Variants in SHB observed in about 807,000 individuals in gnomAD.
The protein encoded by SHB is SH2 domain-containing adapter protein B.
Under a neutral mutation model 52.3 loss-of-function variants are expected in SHB, and 20 were observed. The observed-to-expected ratio is 0.38, with a 90% CI of 0.27 to 0.56. The LOEUF (loss-of-function observed/expected upper bound fraction) is 0.56. Among genes scored for constraint, SHB ranks in the 20% least tolerant of loss-of-function variants. The pLI, the probability that SHB is intolerant of heterozygous loss-of-function variation, is 0.71. For synonymous variants in SHB, 397 were observed against 316.5 expected, an observed-to-expected ratio of 1.25 and a Z score of -2.70; for missense variants, 825 against 723.3, an observed-to-expected ratio of 1.14 and a Z score of -1.61.
At position 38,054,730 on chromosome 9, in the gene SHB, G is replaced by C. The variant is rs183540379; in HGVS notation, c.717+13199C>G. On this transcript the variant is annotated intron_variant, in intron 1 of 5. Transcript: ENST00000377707. ...GTTAGACTGGTTCTACTTGACCTCA[G>C]AGAGTCAAACCAAGACAGTAGTAGA... 1.2e-4 allele frequency among the ~76,000 whole-genome samples: 19 copies of C among 152,294 alleles called. 1 individual carries two copies. Among genetic ancestry groups the C allele is most frequent in the Admixed American group, 1.0e-3 (16 of 15,304 alleles).
intron 2 of SHB, among the ~76,000 whole-genome samples, chr9:37,980,549 A>G (rs1215208403): frequency 6.6e-6 from 1 of 152,112 alleles, no homozygotes; most frequent in East Asian, 1.9e-4. Flanking sequence ...TGAGGACTGG[A>G]CTCTTCTTCC....
At chr9:38,021,324 G>A (rs1487345666) in intron 1 of SHB, among the ~76,000 whole-genome samples, 1 of 149,952 alleles carries the variant, frequency 6.7e-6, no homozygotes, top group Non-Finnish European at 1.5e-5. Flanking sequence ...TGGGCAGTAA[G>A]AGCGAAACTC....
At chr9:37,948,996 A>G (rs1832528135) in intron 4 of SHB, among the ~76,000 whole-genome samples, 1 of 152,150 alleles carries the variant, frequency 6.6e-6, no homozygotes, top group African/African-American at 2.4e-5. Context: ...GGCCACAGAC[A>G]CTCAAGTCAT....
intron 5 of SHB, among the ~76,000 whole-genome samples, chr9:37,921,591 G>T (rs957707549): frequency 1.3e-5 from 2 of 152,194 alleles, no homozygotes; most frequent in Non-Finnish European, 2.9e-5. Flanking sequence ...TAAAGAACTG[G>T]AATTTAAATC....
intron 2 of SHB, among the ~76,000 whole-genome samples, chr9:37,980,401 T>G (rs750960084): frequency 6.6e-6 from 1 of 152,260 alleles, no homozygotes; most frequent in Non-Finnish European, 1.5e-5. Flanking sequence ...AACTCTTTAT[T>G]TGTTCAAGTT....
chr9:37,997,457 C>T lies in SHB; in HGVS notation c.838+18554G>A, dbSNP rs117910107. Among the ~76,000 whole-genome samples, 943 of 152,320 alleles carry T rather than the reference C, an allele frequency of 6.2e-3. 5 individuals are homozygous for T. Among genetic ancestry groups the T allele is most frequent in the Non-Finnish European group, 0.01 (713 of 68,022 alleles). ...TCCAATTCCTTGGAAGCCTTTCCTG[C>T]CTCCTTTTCCCCTGGAACCTGAGTG... On this transcript the variant is annotated intron_variant, in intron 2 of 5. Transcript: ENST00000377707.
intron 1 of SHB, among the ~76,000 whole-genome samples, chr9:38,022,146 C>A (rs1017267628): frequency 9.9e-5 from 15 of 152,214 alleles, no homozygotes; most frequent in Admixed American, 9.2e-4. Flanking sequence ...GGCCACTAAT[C>A]TCTTAGAGAA....
At chr9:38,036,814 C>T (rs1821494314) in intron 1 of SHB, among the ~76,000 whole-genome samples, 1 of 152,174 alleles carries the variant, frequency 6.6e-6, no homozygotes, top group Non-Finnish European at 1.5e-5. Context: ...TACAACATCC[C>T]TATGGATTTG....
intron 1 of SHB, among the ~76,000 whole-genome samples, chr9:38,019,100 C>T (rs183545223): frequency 7.3e-4 from 111 of 152,326 alleles, no homozygotes; most frequent in African/African-American, 2.6e-3. Context: ...TTGGCAGAGA[C>T]CTGGCAGCCA....
chr9:38,049,446 T>C (rs1210142313), intron 1 of SHB, among the ~76,000 whole-genome samples: 3 of 151,814 alleles, frequency 2.0e-5, no homozygotes, highest in Non-Finnish European at 4.4e-5. Context: ...CCATCTCTAC[T>C]AAAAGAATGC....
intron 2 of SHB, among the ~76,000 whole-genome samples, chr9:37,994,926 G>A (rs2118024295): frequency 1.3e-5 from 2 of 152,300 alleles, no homozygotes; most frequent in South Asian, 2.1e-4. Context: ...TGACAAGGCT[G>A]AGAAGGCATG....
At chr9:38,033,208 G>A (rs2118119190) in intron 1 of SHB, among the ~76,000 whole-genome samples, 1 of 152,250 alleles carries the variant, frequency 6.6e-6, no homozygotes, top group East Asian at 1.9e-4. Flanking sequence ...CTCAAAGCAG[G>A]TGCTGGCTCC....
At chr9:38,015,938 C>T (rs989944625) in intron 2 of SHB, 73 bp downstream of exon 2, 3 of 1,516,702 alleles carry the variant, frequency 2.0e-6, no homozygotes, top group Admixed American at 3.5e-5. Flanking sequence ...TTGGGGACCA[C>T]CCGGCAGTGC....
At chr9:38,048,892 C>T (rs1036540618) in intron 1 of SHB, among the ~76,000 whole-genome samples, 1 of 152,232 alleles carries the variant, frequency 6.6e-6, no homozygotes, top group African/African-American at 2.4e-5. Flanking sequence ...TTTTAAGCCT[C>T]TCCATGTTGC....
intron 5 of SHB, among the ~76,000 whole-genome samples, chr9:37,935,163 T>G (rs1197259158): frequency 1.3e-5 from 2 of 152,206 alleles, no homozygotes; most frequent in Non-Finnish European, 2.9e-5. Context: ...GGTCACACCA[T>G]CTCCTGCGTT....
intron 5 of SHB, among the ~76,000 whole-genome samples, chr9:37,923,294 C>T (rs1473006806): frequency 6.6e-6 from 1 of 152,202 alleles, no homozygotes; most frequent in Non-Finnish European, 1.5e-5. Flanking sequence ...TCCACAGCGC[C>T]CATGGTGCAG....
At chr9:37,991,064 A>C (rs1327842204) in intron 2 of SHB, among the ~76,000 whole-genome samples, 1 of 152,220 alleles carries the variant, frequency 6.6e-6, no homozygotes, top group Non-Finnish European at 1.5e-5. Flanking sequence ...CATATTACCT[A>C]ATGTGATAAT....
At chr9:37,976,946 C>T (rs1336894633) in intron 2 of SHB, among the ~76,000 whole-genome samples, 1 of 152,136 alleles carries the variant, frequency 6.6e-6, no homozygotes, top group Non-Finnish European at 1.5e-5. Flanking sequence ...TGTGGACACA[C>T]GCCACGAAGA....
intron 2 of SHB, among the ~76,000 whole-genome samples, chr9:37,980,041 G>A (rs529945393): frequency 7.3e-4 from 111 of 152,226 alleles, no homozygotes; most frequent in African/African-American, 2.4e-3. Flanking sequence ...GCCGGCTGCC[G>A]ACTGATCAGG....
Sources: allele counts gnomAD v4.1 joint callset (sites outside exome capture counted in the v4.1 genomes callset), GRCh38; gene constraint gnomAD v4.1.1; transcripts MANE v1.5; gene names NCBI Gene and HGNC (gene_info 2026-07-23, HGNC 2026-07-21).